CAPN5: variants seen among roughly 807,000 people sequenced by gnomAD.
The protein encoded by CAPN5 is calpain-5.
CAPN5 carries 54 observed loss-of-function variants against 73.0 expected under a neutral mutation model. The ratio of observed to expected loss-of-function variants is 0.74; its 90% CI spans 0.59 to 0.93. The LOEUF (loss-of-function observed/expected upper bound fraction) is 0.93, where lower values mean the gene tolerates loss of function less well. Ranked by LOEUF, CAPN5 falls within the 40% of genes least tolerant of loss-of-function variation. The pLI is 0.00. For synonymous variants in CAPN5, 335 were observed against 356.9 expected, an observed-to-expected ratio of 0.94 and a Z score of 0.69; for missense variants, 785 against 882.9, an observed-to-expected ratio of 0.89 and a Z score of 1.41.
At chr11:77,110,874 G>A (rs1219985277) in intron 3 of CAPN5, among the ~76,000 whole-genome samples, 1 of 152,192 alleles carries the variant, frequency 6.6e-6, no homozygotes, top group Non-Finnish European at 1.5e-5. Context: ...ACTCAGGTGA[G>A]TGCCGGCCTC....
intron 1 of CAPN5, among the ~76,000 whole-genome samples, chr11:77,075,148 G>A (rs192431549): frequency 2.0e-5 from 3 of 152,078 alleles, no homozygotes; most frequent in Admixed American, 6.5e-5. Flanking sequence ...ATGGCATCCC[G>A]GGGCCTCTGG....
chr11:77,115,851 A>G (rs1950462237), intron 6 of CAPN5, among the ~76,000 whole-genome samples: 1 of 152,120 alleles, frequency 6.6e-6, no homozygotes, highest in Non-Finnish European at 1.5e-5. Context: ...GAGGGAGGCC[A>G]CAGCCCTGAG....
At chr11:77,102,386 C>T (rs1555039015) in intron 3 of CAPN5, among the ~76,000 whole-genome samples, 1 of 152,202 alleles carries the variant, frequency 6.6e-6, no homozygotes, top group Non-Finnish European at 1.5e-5. Flanking sequence ...CTCTCTGGTC[C>T]TGCCTTCTCC....
chr11:77,097,717 C>T (rs1555037753), intron 3 of CAPN5, among the ~76,000 whole-genome samples: 1 of 96,846 alleles, frequency 1.0e-5, no homozygotes, highest in African/African-American at 5.1e-5. Context: ...CAAAGCACAT[C>T]TTGTACCGCC....
intron 3 of CAPN5, among the ~76,000 whole-genome samples, chr11:77,102,273 G>A (rs1209438755): frequency 6.6e-6 from 1 of 152,162 alleles, no homozygotes; most frequent in Non-Finnish European, 1.5e-5. Flanking sequence ...AAGCAGAATC[G>A]ACAGGCTTTG....
At chr11:77,120,657 G>T in intron 9 of CAPN5, 56 bp from the exon 10 acceptor site, 1 of 1,276,640 alleles carries the variant, frequency 7.8e-7, no homozygotes, top group South Asian at 1.4e-5. Context: ...GGCGGGGTGG[G>T]CCAGGGTGTT....
intron 3 of CAPN5, among the ~76,000 whole-genome samples, chr11:77,098,773 G>T (rs1364273214): frequency 3.6e-5 from 3 of 82,858 alleles, no homozygotes; most frequent in Admixed American, 1.2e-4. Context: ...TGGCCGGGCG[G>T]GGGGGCTGAC....
intron 1 of CAPN5, among the ~76,000 whole-genome samples, chr11:77,075,056 A>C (rs1266055788): frequency 6.6e-6 from 1 of 152,138 alleles, no homozygotes; most frequent in Non-Finnish European, 1.5e-5. Flanking sequence ...GGGGCTCCGC[A>C]AGACAGCCGT....
rs1555041308 is a variant in CAPN5 at position 77,114,331 on chromosome 11, T to A, written c.596T>A (p.Leu199Gln). ...GGTGGTGTTTCTGAGCCCATCGACC[T>A]GACCGAGGGTGACTTTGCCAACGAT... ...FTGGVSEPID[L>Q]TEGDFANDET... The change falls in exon 5 of 13, where the codon CTG (leucine) becomes CAG (glutamine). Residue 199 changes from leucine to glutamine, a missense_variant. By Grantham distance (113) the Leu-to-Gln change is moderately radical (BLOSUM62 -2). Transcript: ENST00000648180. The A allele has an allele frequency of 6.2e-7, 1 of 1,614,194 alleles. No individual in the cohort carries two copies. The highest frequency in any genetic ancestry group is 1.7e-5 in the Admixed American group (1 of 60,024).
chr11:77,120,573 T>C, intron 9 of CAPN5, 140 bp from the exon 10 acceptor site: 1 of 597,754 alleles, frequency 1.7e-6, no homozygotes, highest in East Asian at 2.7e-5. Flanking sequence ...TCCGCTTCTG[T>C]TATTATAGAT....
rs189562132 is a variant in CAPN5, at chr11:77,093,802, C to G, written c.286C>G (p.Leu96Val). ...ACSSLASRESLWQKVIPDWKE... is the reference protein window; with the variant it reads ...ACSSLASRESVWQKVIPDWKE... ...CTCGTCACTTGCCTCCCGGGAGTCGCTGTGGCAAAAGGTGAGGCCTCGGGC... is the reference window on the plus strand; with the variant it reads ...CTCGTCACTTGCCTCCCGGGAGTCGGTGTGGCAAAAGGTGAGGCCTCGGGC... The change falls in exon 3 of 13, where the codon CTG becomes GTG. Residue 96 changes from leucine (L) to valine (V), a missense_variant. Leu to Val is a conservative substitution (Grantham distance 32, BLOSUM62 1). Coordinates refer to ENST00000648180, the MANE Select transcript of CAPN5 (RefSeq NM_004055.5). The G allele has an allele frequency of 3.1e-6, 5 of 1,610,540 alleles. No individual in the cohort carries two copies. Among genetic ancestry groups the G allele is most frequent in the Admixed American group, 1.7e-5 (1 of 60,022 alleles).
Position 77,122,648 on chromosome 11 carries a change from C to T in CAPN5, c.1676C>T (p.Thr559Ile), listed in dbSNP as rs782367936. The change falls in exon 12 of 13, where the codon ACA (threonine) becomes ATA (isoleucine). Residue 559 changes from threonine (T) to isoleucine (I), a missense_variant. Physicochemically the swap from Thr to Ile is moderately conservative, Grantham distance 89 (BLOSUM62 -1). Transcript: ENST00000648180. Reference sequence around the variant, plus strand: ...TCGGCTGTGCAGAAGGGCACCTCCACACCAGAGTACAATGTGAAAGGCATC... The same window carrying T: ...TCGGCTGTGCAGAAGGGCACCTCCATACCAGAGTACAATGTGAAAGGCATC... ...VRSAVQKGTS[T>I]PEYNVKGIFY... The T allele has an allele frequency of 2.5e-6, 4 of 1,613,818 alleles. No individual in the cohort carries two copies. The African/African-American group carries it at 4.0e-5, about 16-fold the overall frequency.
At chr11:77,086,919 G>A (rs996327477) in intron 2 of CAPN5, among the ~76,000 whole-genome samples, 2 of 152,230 alleles carry the variant, frequency 1.3e-5, no homozygotes, top group African/African-American at 4.8e-5. Context: ...CCCTTTCTGA[G>A]CCCCTTTCCT....
At chr11:77,091,926 G>A (rs930461385) in intron 2 of CAPN5, among the ~76,000 whole-genome samples, 3 of 152,228 alleles carry the variant, frequency 2.0e-5, no homozygotes, top group Non-Finnish European at 2.9e-5. Context: ...TCCTCGCAAA[G>A]TAGAAATTAT....
intron 3 of CAPN5, chr11:77,103,424 C>T: frequency 2.7e-6 from 4 of 1,456,068 alleles, no homozygotes; most frequent in Non-Finnish European, 3.7e-6. Context: ...CCATTATTCT[C>T]GCTGCTCAGC....
intron 9 of CAPN5, chr11:77,119,361 G>C (rs754651959): frequency 5.1e-6 from 3 of 589,734 alleles, no homozygotes; most frequent in Non-Finnish European, 9.0e-6. Flanking sequence ...TTCTGTGGGA[G>C]CTCTCAGCCT....
At chr11:77,084,633 TCGC>T (rs1950062240) in intron 1 of CAPN5, among the ~76,000 whole-genome samples, 1 of 152,122 alleles carries the variant, frequency 6.6e-6, no homozygotes, top group Non-Finnish European at 1.5e-5. Context: ...GGGCCTGGTA[TCGC>T]CTCTGAGCTT....
In CAPN5 at chr11:77,088,054, G is replaced by T. The variant is rs962326752; in HGVS notation, c.165+3003G>T. 136 of 1,532,856 alleles carry T rather than the reference G, an allele frequency of 8.9e-5. No homozygotes were observed. In the African/African-American group the frequency reaches 1.4e-3, roughly 16 times the overall value. 95.0% of individuals were successfully genotyped at this position (1,532,856 alleles called of 1,614,324 possible). A position where few individuals can be genotyped will look rare whatever the true frequency, so the allele number is the denominator to read the frequency against. On this transcript the variant is annotated intron_variant, in intron 2 of 12. Coordinates refer to ENST00000648180, the MANE Select transcript of CAPN5 (RefSeq NM_004055.5). ...TGTCCGTCCTCCTCGCTCAGGGCCC[G>T]GGACCTGGTAGGCGGCCTCCTGTCA...
chr11:77,070,983 A>T, intron 1 of CAPN5, among the ~76,000 whole-genome samples: 1 of 152,068 alleles, frequency 6.6e-6, no homozygotes, highest in East Asian at 1.9e-4. Context: ...CTGTCTCAAA[A>T]TCCTTAATCG....
Sources: allele counts gnomAD v4.1 joint callset (sites outside exome capture counted in the v4.1 genomes callset), GRCh38; gene constraint gnomAD v4.1.1; transcripts MANE v1.5; gene names NCBI Gene and HGNC (gene_info 2026-07-23, HGNC 2026-07-21).